The following CLIP2 variants were observed in gnomAD, a reference collection of about 807,000 sequenced individuals.
The protein encoded by CLIP2 is CAP-Gly domain containing linker protein 2, also known as CAP-Gly domain-containing linker protein 2.
In CLIP2, 41 loss-of-function variants were observed where a neutral mutation model predicts 111.7. The observed-to-expected ratio is 0.37, with a 90% CI of 0.29 to 0.48. The LOEUF (loss-of-function observed/expected upper bound fraction) is 0.48. Ranked by LOEUF, CLIP2 falls within the 20% of genes least tolerant of loss-of-function variation. CLIP2 has a pLI of 0.99. For missense variants in CLIP2, 1,160 were observed against 1,422.1 expected (o/e 0.82, Z 2.96); for synonymous variants, 660 against 644.2 (o/e 1.02, Z -0.37).
intron 13 of CLIP2, among the ~76,000 whole-genome samples, chr7:74,389,920 GTT>G (rs113212202): frequency 8.6e-4 from 123 of 143,242 alleles, no homozygotes; most frequent in African/African-American, 2.2e-3. Flanking sequence ...TAATAATAAA[GTT>G]TTTTTTTTTT....
At chr7:74,380,459 CAG>C (rs1790911804) in intron 10 of CLIP2, 1 of 170,744 alleles carries the variant, frequency 5.9e-6, no homozygotes, top group African/African-American at 2.4e-5. Context: ...CTCTGGGAGA[CAG>C]AGAAACAAAT....
At position 74,356,470 on chromosome 7, in the gene CLIP2, C is replaced by T. The variant is rs782412688; in HGVS notation, c.864C>T (p.Ile288=). Residue 288 remains isoleucine, a synonymous_variant, in exon 5 of 17, where the codon ATC becomes ATT. Coordinates refer to ENST00000223398, the MANE Select transcript of CLIP2 (RefSeq NM_003388.5). ...LFAPIHKVIR[I]GFPSTSPAKA... is the part of the protein sequence containing the mutation. Reference sequence around the variant, plus strand: ...CGCCCATCCACAAAGTGATCCGTATCGGCTTCCCATCTACCAGCCCAGCCA... The same window carrying T: ...CGCCCATCCACAAAGTGATCCGTATTGGCTTCCCATCTACCAGCCCAGCCA... 10 of 1,614,080 alleles carry T rather than the reference C, an allele frequency of 6.2e-6. No individual in the cohort carries two copies. The Admixed American group carries it at 1.0e-4, about 16-fold the overall frequency.
intron 11 of CLIP2, among the ~76,000 whole-genome samples, chr7:74,382,253 T>C (rs1790965210): frequency 6.7e-6 from 1 of 149,210 alleles, no homozygotes; most frequent in Non-Finnish European, 1.5e-5. Context: ...CTGGCTAATT[T>C]TTGTATTTTT....
In CLIP2 at chr7:74,357,439, GAGA is replaced by G. The variant is rs782175271; in HGVS notation, c.1180_1182del (p.Lys394del). On this transcript the variant is annotated inframe_deletion, in exon 6 of 17. Transcript: ENST00000223398. ...GGCCACAAGCCACATCTGCGAGGTG[GAGA>G]AGGAGATTGCCCTGCTCAAGGCACA... 6.2e-7 allele frequency: 1 copy of G among 1,614,064 alleles called. No individual in the cohort carries two copies. Among genetic ancestry groups the G allele is most frequent in the Non-Finnish European group, 8.5e-7 (1 of 1,179,982 alleles).
At chr7:74,336,786 G>T (rs1383981402) in intron 2 of CLIP2, among the ~76,000 whole-genome samples, 1 of 151,736 alleles carries the variant, frequency 6.6e-6, no homozygotes, top group Non-Finnish European at 1.5e-5. Context: ...GGGATCAGAT[G>T]AGCTATCGTA....
At chr7:74,390,189 G>GAA (rs1360533669) in intron 13 of CLIP2, among the ~76,000 whole-genome samples, 1 of 95,974 alleles carries the variant, frequency 1.0e-5, no homozygotes, top group Non-Finnish European at 2.4e-5. Flanking sequence ...AAGAAAGAAA[G>GAA]AAAGAAAGAA....
chr7:74,325,901 G>A (rs1789093181), intron 2 of CLIP2, among the ~76,000 whole-genome samples: 2 of 151,908 alleles, frequency 1.3e-5, no homozygotes, highest in African/African-American at 4.8e-5. Flanking sequence ...TGATGGGACT[G>A]ATGAGCACAG....
In CLIP2 at chr7:74,360,200, T is replaced by G. The variant is rs1174334375; in HGVS notation, c.1241T>G (p.Leu414Arg). 6.2e-7 allele frequency: 1 copy of G among 1,607,148 alleles called. No homozygotes were observed. The highest frequency in any genetic ancestry group is 8.5e-7 in the Non-Finnish European group (1 of 1,177,066). The change falls in exon 7 of 17, where the codon CTG (leucine) becomes CGG (arginine). Residue 414 changes from leucine to arginine, a missense_variant. Leu to Arg is a moderately radical substitution (Grantham distance 102). Coordinates refer to ENST00000223398, the MANE Select transcript of CLIP2 (RefSeq NM_003388.5). ...EQYVAEAEEK[L>R]QRARLLVESV... ...TATGTTGCAGAAGCCGAGGAGAAGC[T>G]GCAGCGAGCCCGGCTGCTCGTGGAG... is the stretch of plus-strand genomic sequence containing the variant.
intron 3 of CLIP2, among the ~76,000 whole-genome samples, chr7:74,347,032 C>T (rs1224532301): frequency 6.6e-6 from 1 of 151,976 alleles, no homozygotes; most frequent in Non-Finnish European, 1.5e-5. Context: ...GAGGGAGACC[C>T]TACCTCTAAA....
chr7:74,389,425 C>A (rs1322524670), intron 13 of CLIP2, 166 bp downstream of exon 13: 6 of 641,040 alleles, frequency 9.4e-6, no homozygotes, highest in Non-Finnish European at 1.5e-5. Context: ...CCGATAAAGT[C>A]TCCAAAGCCT....
At chr7:74,321,307 C>T (rs115828036) in intron 2 of CLIP2, among the ~76,000 whole-genome samples, 45 of 152,204 alleles carry the variant, frequency 3.0e-4, no homozygotes, top group African/African-American at 1.1e-3. Context: ...ACCACTTAAC[C>T]TCATCACTGC....
At chr7:74,321,479 A>ATT (rs1303097029) in intron 2 of CLIP2, among the ~76,000 whole-genome samples, 1 of 151,248 alleles carries the variant, frequency 6.6e-6, no homozygotes, top group Non-Finnish European at 1.5e-5. Flanking sequence ...TATTATTATT[A>ATT]TTTTTTTTGA....
At chr7:74,373,573 G>T (rs1790699205) in intron 9 of CLIP2, among the ~76,000 whole-genome samples, 1 of 152,082 alleles carries the variant, frequency 6.6e-6, no homozygotes, top group South Asian at 2.1e-4. Context: ...GGGGGTGGGG[G>T]TGGTCTTTGT....
At position 74,317,507 on chromosome 7, in the gene CLIP2, A is replaced by G; in HGVS notation, c.-40A>G. 7.3e-7 allele frequency: 1 copy of G among 1,366,250 alleles called. No individual in the cohort carries two copies. The highest frequency in any genetic ancestry group is 9.5e-7 in the Non-Finnish European group (1 of 1,049,960). 84.6% of individuals were successfully genotyped at this position (1,366,250 alleles called of 1,614,324 possible). On this transcript the variant is annotated 5_prime_UTR_variant, in exon 2 of 17. It removes the in-frame stop codon of an upstream open reading frame in the 5' UTR. Coordinates refer to ENST00000223398, the MANE Select transcript of CLIP2 (RefSeq NM_003388.5). ...GAGTGAAGATGGCAGAGAGGACGTG[A>G]CCAGCACTCACCCTTGTCCACCTGC... is the stretch of plus-strand genomic sequence containing the variant.
chr7:74,326,194 T>G (rs1376219035), intron 2 of CLIP2, among the ~76,000 whole-genome samples: 1 of 151,452 alleles, frequency 6.6e-6, no homozygotes, highest in African/African-American at 2.4e-5. Flanking sequence ...GAGCCAAGTT[T>G]ACACCATTGC....
At chr7:74,321,791 T>TA (rs1788960802) in intron 2 of CLIP2, among the ~76,000 whole-genome samples, 1 of 151,700 alleles carries the variant, frequency 6.6e-6, no homozygotes, top group South Asian at 2.1e-4. Context: ...TATTTTTTAA[T>TA]AAAAAATAAG....
intron 7 of CLIP2, among the ~76,000 whole-genome samples, chr7:74,361,909 T>C (rs1790339623): frequency 6.6e-6 from 1 of 152,016 alleles, no homozygotes; most frequent in Non-Finnish European, 1.5e-5. Context: ...GAGACCAGCC[T>C]GGCCAACGTG....
At chr7:74,362,524 TTTTC>T (rs1343051630) in intron 7 of CLIP2, among the ~76,000 whole-genome samples, 67 of 77,970 alleles carry the variant, frequency 8.6e-4, no homozygotes, top group African/African-American at 3.0e-3. Context: ...TTTCTTTTTC[TTTTC>T]TTTTTTTTTT....
intron 2 of CLIP2, among the ~76,000 whole-genome samples, chr7:74,318,220 C>T (rs1554729467): frequency 2.0e-5 from 3 of 151,542 alleles, no homozygotes; most frequent in African/African-American, 7.3e-5. Flanking sequence ...CAGAAAGGAG[C>T]GTCATGCGTA....
Sources: gnomAD v4.1 joint callset for allele counts (sites outside exome capture counted in the v4.1 genomes callset) on GRCh38, gnomAD v4.1.1 for gene constraint, MANE v1.5 for transcripts, NCBI Gene and HGNC (gene_info 2026-07-23, HGNC 2026-07-21) for gene names.